Variants in SYT14 observed in about 807,000 individuals in gnomAD.
The protein encoded by SYT14 is synaptotagmin 14.
A neutral mutation model predicts 74.2 loss-of-function variants in SYT14; 32 were observed. The ratio of observed to expected loss-of-function variants is 0.43; its 90% CI spans 0.33 to 0.58. The LOEUF (loss-of-function observed/expected upper bound fraction) is 0.58. Ranked by LOEUF, SYT14 falls within the 20% of genes least tolerant of loss-of-function variation. SYT14 has a pLI of 0.05. For synonymous variants in SYT14, 298 were observed against 337.7 expected (o/e 0.88, Z 1.29); for missense variants, 791 against 981.8 (o/e 0.81, Z 2.60).
At chr1:210,020,607 TGA>T (rs1348615666) in intron 4 of SYT14, among the ~76,000 whole-genome samples, 1 of 152,182 alleles carries the variant, frequency 6.6e-6, no homozygotes, top group East Asian at 1.9e-4. Context: ...TCTTTTAATG[TGA>T]GTTATTTGAA....
In SYT14 at chr1:210,029,446, C is replaced by T. The variant is rs193265147; in HGVS notation, c.1312+8192C>T. On this transcript the variant is annotated intron_variant, in intron 5 of 9. Coordinates refer to ENST00000637265, the Ensembl canonical transcript of SYT14. ...TCCATTTTGAGTTAATTTTTATATA[C>T]GATATTCGGCAAGGGTTCATTTTCA... Among the ~76,000 whole-genome samples the T allele has an allele frequency of 1.2e-4, 19 of 152,088 alleles. No individual in the cohort carries two copies. In the South Asian group the frequency reaches 1.9e-3, roughly 15 times the overall value.
chr1:210,040,347 A>G (rs532373159), intron 5 of SYT14, among the ~76,000 whole-genome samples: 96 of 152,094 alleles, frequency 6.3e-4, no homozygotes, highest in Non-Finnish European at 1.2e-3. Context: ...GGAGGGGAAC[A>G]TCACACACTG....
chr1:210,079,101 G>GT (rs904640111), intron 5 of SYT14, among the ~76,000 whole-genome samples: 6 of 150,404 alleles, frequency 4.0e-5, no homozygotes, highest in South Asian at 2.1e-4. Context: ...TTTAATCATT[G>GT]TTTTTTTTTA....
chr1:209,989,587 A>T (rs565132662), intron 2 of SYT14, among the ~76,000 whole-genome samples: 1 of 152,210 alleles, frequency 6.6e-6, no homozygotes, highest in East Asian at 1.9e-4. Flanking sequence ...AAATGGTGAT[A>T]TAAATGTAGT....
intron 1 of SYT14, among the ~76,000 whole-genome samples, chr1:209,950,092 G>A (rs570525660): frequency 1.3e-5 from 2 of 152,098 alleles, no homozygotes; most frequent in Non-Finnish European, 1.5e-5. Context: ...TTAAGATTAG[G>A]TGTATGTGGT....
At chr1:210,146,854 A>G (rs571291118) in intron 7 of SYT14, among the ~76,000 whole-genome samples, 4 of 151,644 alleles carry the variant, frequency 2.6e-5, no homozygotes, top group South Asian at 4.2e-4. Context: ...TGTACTACAT[A>G]TATACTATAT....
chr1:209,940,390 T>C (rs2078710543), intron 1 of SYT14, among the ~76,000 whole-genome samples: 1 of 151,656 alleles, frequency 6.6e-6, no homozygotes, highest in Non-Finnish European at 1.5e-5. Context: ...GTACAATAGC[T>C]GTATACAATG....
At chr1:210,145,526 G>T (rs964924051) in intron 7 of SYT14, among the ~76,000 whole-genome samples, 4 of 152,164 alleles carry the variant, frequency 2.6e-5, no homozygotes, top group African/African-American at 7.2e-5. Flanking sequence ...ATACAAAGAT[G>T]AATAAAACAA....
chr1:210,023,838 T>G (rs991438628), intron 5 of SYT14, among the ~76,000 whole-genome samples: 3 of 152,188 alleles, frequency 2.0e-5, no homozygotes, highest in African/African-American at 7.2e-5. Context: ...TGCCTGTAAC[T>G]TGGGATCTTT....
exon 4 of SYT14, chr1:210,016,874 A>T (rs942820863): frequency 8.1e-7 from 1 of 1,231,724 alleles, no homozygotes; most frequent in Non-Finnish European, 1.0e-6. Context: ...TTTGACAAGC[A>T]ATAGGCATAT....
intron 2 of SYT14, among the ~76,000 whole-genome samples, chr1:209,982,567 G>A (rs1215501862): frequency 8.6e-6 from 1 of 116,780 alleles, no homozygotes; most frequent in African/African-American, 2.6e-5. Context: ...TTGTCTGGAT[G>A]TTGCACAGTT....
At chr1:210,121,565 T>A (rs373777536) in intron 7 of SYT14, among the ~76,000 whole-genome samples, 7 of 152,030 alleles carry the variant, frequency 4.6e-5, no homozygotes, top group Non-Finnish European at 7.4e-5. Flanking sequence ...GAGGCCAAGG[T>A]GGGCGGATCA....
chr1:210,100,590 C>T (rs2082046559), intron 7 of SYT14, 129 bp downstream of exon 6: 4 of 899,700 alleles, frequency 4.4e-6, no homozygotes, highest in South Asian at 1.6e-5. Flanking sequence ...CATGCCTTTA[C>T]AAAAATATCT....
intron 5 of SYT14, among the ~76,000 whole-genome samples, chr1:210,079,536 A>G (rs1308099573): frequency 6.6e-6 from 1 of 152,314 alleles, no homozygotes; most frequent in Non-Finnish European, 1.5e-5. Flanking sequence ...TGGGCGTGAC[A>G]TTGTCCGAGT....
intron 7 of SYT14, among the ~76,000 whole-genome samples, chr1:210,110,082 A>G (rs1243586908): frequency 1.3e-5 from 2 of 152,154 alleles, no homozygotes; most frequent in African/African-American, 4.8e-5. Context: ...ACACATGGAC[A>G]CAGGGAGGGG....
In SYT14 at chr1:209,949,942, A is replaced by G. The variant is rs558720585; in HGVS notation, c.-533-2767A>G. On this transcript the variant is annotated intron_variant, in intron 1 of 9. Coordinates refer to ENST00000637265, the Ensembl canonical transcript of SYT14. ...TAAAAAATTTAAGAGGTTCTTTTAT[A>G]TAATATAGATAAATTGAATGCTTTT... 2.0e-5 allele frequency among the ~76,000 whole-genome samples: 3 copies of G among 152,338 alleles called. No individual in the cohort carries two copies. The South Asian group carries it at 6.2e-4, about 32-fold the overall frequency.
chr1:210,034,333 G>A (rs2080608368), intron 5 of SYT14, among the ~76,000 whole-genome samples: 1 of 151,682 alleles, frequency 6.6e-6, no homozygotes, highest in African/African-American at 2.4e-5. Context: ...GTTCTTTTGT[G>A]TAACTGTTAC....
intron 1 of SYT14, among the ~76,000 whole-genome samples, chr1:209,948,091 A>C (rs529743608): frequency 6.6e-6 from 1 of 152,354 alleles, no homozygotes; most frequent in South Asian, 2.1e-4. Flanking sequence ...TGGGAATCCA[A>C]AAAGTTTATG....
chr1:210,052,228 T>G (rs889476218), intron 5 of SYT14, among the ~76,000 whole-genome samples: 4 of 151,418 alleles, frequency 2.6e-5, no homozygotes, highest in Admixed American at 2.6e-4. Flanking sequence ...ATTTTAGGGT[T>G]TTTTTTTTCT....
Sources: gnomAD v4.1 joint callset for allele counts (sites outside exome capture counted in the v4.1 genomes callset) on GRCh38, gnomAD v4.1.1 for gene constraint, MANE v1.5 for transcripts, NCBI Gene and HGNC (gene_info 2026-07-23, HGNC 2026-07-21) for gene names.